CLINT1: variants seen among roughly 807,000 people sequenced by gnomAD.
CLINT1 encodes the protein clathrin interacting protein localized in the trans-Golgi region.
In CLINT1, 15 loss-of-function variants were observed where a neutral mutation model predicts 70.4. The ratio of observed to expected loss-of-function variants is 0.21; its 90% confidence interval spans 0.14 to 0.33. CLINT1 has a LOEUF of 0.33. CLINT1 is among the 10% of genes least tolerant of loss of function. The probability of loss-of-function intolerance (pLI) is 1.00; values close to 1 mark genes in which losing one functional copy is unlikely to be tolerated. For missense variants in CLINT1, 615 were observed against 778.1 expected, an observed-to-expected ratio of 0.79 and a Z score of 2.49; for synonymous variants, 227 against 254.7, an observed-to-expected ratio of 0.89 and a Z score of 1.04.
chr5:157,846,247 G>A (rs903825682), intron 1 of CLINT1, among the ~76,000 whole-genome samples: 4 of 152,204 alleles, frequency 2.6e-5, no homozygotes, highest in Non-Finnish European at 5.9e-5. Context: ...AAGTTAGGTT[G>A]TGAATGCAAA....
At chr5:157,840,315 G>T (rs1013551856) in intron 1 of CLINT1, among the ~76,000 whole-genome samples, 2 of 149,802 alleles carry the variant, frequency 1.3e-5, no homozygotes, top group African/African-American at 4.9e-5. Context: ...ACAAAGAAAG[G>T]TTAAGAAACT....
chr5:157,791,644 T>C, intron 10 of CLINT1, 59 bp downstream of exon 10: 3 of 1,443,112 alleles, frequency 2.1e-6, no homozygotes, highest in Non-Finnish European at 2.8e-6. Context: ...TATCATTCAA[T>C]GAGTTAGAGC....
intron 1 of CLINT1, among the ~76,000 whole-genome samples, chr5:157,836,321 G>A (rs1763421405): frequency 6.6e-6 from 1 of 152,308 alleles, no homozygotes; most frequent in South Asian, 2.1e-4. Context: ...AAGAGGTTAA[G>A]TATCTCACTA....
At chr5:157,796,777 G>A (rs1353365397) in intron 8 of CLINT1, among the ~76,000 whole-genome samples, 3 of 152,154 alleles carry the variant, frequency 2.0e-5, no homozygotes, top group Admixed American at 2.0e-4. Context: ...ATCAGTTTCT[G>A]ATATGTGTGT....
chr5:157,848,772 C>T (rs761065665), intron 1 of CLINT1, among the ~76,000 whole-genome samples: 7 of 152,184 alleles, frequency 4.6e-5, no homozygotes, highest in Non-Finnish European at 8.8e-5. Context: ...AGTGATTCTC[C>T]TGCCTCACAC....
At chr5:157,823,156 G>T (rs532509164) in intron 1 of CLINT1, among the ~76,000 whole-genome samples, 2 of 152,182 alleles carry the variant, frequency 1.3e-5, no homozygotes, top group Admixed American at 1.3e-4. Context: ...TCTGACGTAC[G>T]CATGCATACA....
At chr5:157,830,197 C>T (rs1017327987) in intron 1 of CLINT1, among the ~76,000 whole-genome samples, 2 of 152,096 alleles carry the variant, frequency 1.3e-5, no homozygotes, top group African/African-American at 2.4e-5. Flanking sequence ...ATCCACCCAC[C>T]TCTGCCTTCC....
In CLINT1 at chr5:157,835,910, C is replaced by T. The variant is rs181135938; in HGVS notation, c.42-18363G>A. On this transcript the variant is annotated intron_variant, in intron 1 of 11. Transcript: ENST00000411809. ...AAATCTAAAGTTAAAAAACATACTT[C>T]AAAAACATGAAAACTTCTCCTACCC... Among the ~76,000 whole-genome samples, 360 of 152,284 alleles carry T rather than the reference C, an allele frequency of 2.4e-3. 1 individual carries two copies. The highest frequency in any genetic ancestry group is 8.4e-3 in the African/African-American group (351 of 41,564).
chr5:157,805,541 T>C (rs1180825616), intron 7 of CLINT1, among the ~76,000 whole-genome samples: 2 of 152,206 alleles, frequency 1.3e-5, no homozygotes, highest in East Asian at 3.9e-4. Context: ...ATACTTCCAA[T>C]GTTTTCTTTA....
chr5:157,810,491 T>C (rs747193688), intron 5 of CLINT1, among the ~76,000 whole-genome samples: 11 of 152,172 alleles, frequency 7.2e-5, no homozygotes, highest in Non-Finnish European at 1.6e-4. Context: ...CAAACACCCA[T>C]TCCAAACATA....
chr5:157,807,618 C>A (rs1581492703), intron 6 of CLINT1, among the ~76,000 whole-genome samples: 1 of 152,032 alleles, frequency 6.6e-6, no homozygotes, highest in African/African-American at 2.4e-5. Flanking sequence ...TCCTGGTGTG[C>A]CCTATCATTA....
At chr5:157,826,764 G>C (rs902507926) in intron 1 of CLINT1, among the ~76,000 whole-genome samples, 1 of 152,144 alleles carries the variant, frequency 6.6e-6, no homozygotes, top group African/African-American at 2.4e-5. Flanking sequence ...TTCATAGCAG[G>C]AAATGTAACG....
intron 1 of CLINT1, among the ~76,000 whole-genome samples, chr5:157,836,718 TA>T (rs1202226250): frequency 6.6e-6 from 1 of 152,202 alleles, no homozygotes; most frequent in Non-Finnish European, 1.5e-5. Context: ...TTGCTTATTC[TA>T]AAATATCCTC....
At chr5:157,806,963 G>GGAGAGA (rs3836885) in intron 6 of CLINT1, among the ~76,000 whole-genome samples, 4 of 145,858 alleles carry the variant, frequency 2.7e-5, no homozygotes, top group Admixed American at 6.9e-5. Flanking sequence ...GATGTAAGTA[G>GGAGAGA]GAGAGAGAGA....
intron 1 of CLINT1, among the ~76,000 whole-genome samples, chr5:157,819,815 A>G (rs975396018): frequency 6.6e-6 from 1 of 152,240 alleles, no homozygotes; most frequent in Non-Finnish European, 1.5e-5. Flanking sequence ...GTCCATGTAC[A>G]TGAAATATTT....
At chr5:157,801,725 C>T (rs1471661465) in intron 8 of CLINT1, among the ~76,000 whole-genome samples, 2 of 151,986 alleles carry the variant, frequency 1.3e-5, no homozygotes, top group African/African-American at 2.4e-5. Context: ...CCCAGCTACT[C>T]GAGAAGCTTA....
chr5:157,811,625 C>CA (rs144811246), intron 5 of CLINT1, among the ~76,000 whole-genome samples: 1 of 151,926 alleles, frequency 6.6e-6, no homozygotes, highest in African/African-American at 2.4e-5. Flanking sequence ...AATAACTTAG[C>CA]AAAAGGATGT....
intron 1 of CLINT1, among the ~76,000 whole-genome samples, chr5:157,840,864 C>G (rs979283648): frequency 6.6e-6 from 1 of 151,714 alleles, no homozygotes; most frequent in African/African-American, 2.4e-5. Flanking sequence ...AGCAACACAG[C>G]GAGACCCCAT....
At chr5:157,838,239 C>T (rs1418135548) in intron 1 of CLINT1, among the ~76,000 whole-genome samples, 1 of 151,442 alleles carries the variant, frequency 6.6e-6, no homozygotes, top group African/African-American at 2.4e-5. Flanking sequence ...TCTCTTGCCT[C>T]AGTCTCCCAA....
Sources: gnomAD v4.1 joint callset for allele counts (sites outside exome capture counted in the v4.1 genomes callset) on GRCh38, gnomAD v4.1.1 for gene constraint, MANE v1.5 for transcripts, NCBI Gene and HGNC (gene_info 2026-07-23, HGNC 2026-07-21) for gene names.